Variants in CEP162 observed in about 807,000 individuals in gnomAD.
The protein encoded by CEP162 is centrosomal protein of 162 kDa.
CEP162 carries 141 observed loss-of-function variants against 169.2 expected under a neutral mutation model. The observed-to-expected ratio is 0.83, with a 90% CI of 0.73 to 0.96. CEP162 has a LOEUF of 0.96. Among genes scored for constraint, CEP162 ranks in the 40% least tolerant of loss-of-function variants. The pLI is 0.00. For synonymous variants in CEP162, 540 were observed against 526.4 expected (o/e 1.03, Z -0.35); for missense variants, 1,600 against 1,587.2 (o/e 1.01, Z -0.14).
intron 25 of CEP162, among the ~76,000 whole-genome samples, chr6:84,141,762 G>T (rs1247906831): frequency 6.6e-6 from 1 of 152,118 alleles, no homozygotes; most frequent in Non-Finnish European, 1.5e-5. Context: ...GGCTGGCTTT[G>T]CTGTACCTAC....
intron 18 of CEP162, among the ~76,000 whole-genome samples, chr6:84,167,190 A>G (rs1347719665): frequency 1.3e-5 from 2 of 152,146 alleles, no homozygotes; most frequent in Non-Finnish European, 2.9e-5. Context: ...GGCATCTCAT[A>G]TTTCTTAATA....
intron 11 of CEP162, among the ~76,000 whole-genome samples, chr6:84,190,972 T>C (rs1398954387): frequency 6.6e-6 from 1 of 152,206 alleles, no homozygotes; most frequent in Non-Finnish European, 1.5e-5. Flanking sequence ...TAAGCCACCG[T>C]GCCCAGCCTA....
chr6:84,208,277 G>A (rs1332171357), intron 6 of CEP162, among the ~76,000 whole-genome samples: 3 of 152,002 alleles, frequency 2.0e-5, no homozygotes, highest in Non-Finnish European at 4.4e-5. Context: ...ATTTGGCCAG[G>A]ATCTCTTCCT....
Position 84,208,249 on chromosome 6 carries a change from G to A in CEP162, c.572-4153C>T, listed in dbSNP as rs139866261. ...CTGAGGCATTCAGTCTACTTATGGG[G>A]AAGGTTGGACAGGAATTATTTGGCC... On this transcript the variant is annotated intron_variant, in intron 6 of 26. Coordinates refer to ENST00000403245, the MANE Select transcript of CEP162 (RefSeq NM_014895.4). 3.4e-3 allele frequency among the ~76,000 whole-genome samples: 523 copies of A among 152,274 alleles called. 3 individuals are homozygous for A. Among genetic ancestry groups the A allele is most frequent in the African/African-American group, 0.012 (481 of 41,546 alleles).
intron 11 of CEP162, 27 bp downstream of exon 11, chr6:84,193,582 A>G (rs6936322): frequency 1.4e-6 from 2 of 1,411,940 alleles, no homozygotes; most frequent in Non-Finnish European, 1.9e-6. Context: ...GTTTCCAATG[A>G]CAAAACAATA....
At chr6:84,156,634 A>G (rs984379786) in intron 21 of CEP162, among the ~76,000 whole-genome samples, 7 of 152,114 alleles carry the variant, frequency 4.6e-5, no homozygotes, top group Admixed American at 3.3e-4. Flanking sequence ...ATAAATTAGT[A>G]AAACCATTAT....
intron 21 of CEP162, among the ~76,000 whole-genome samples, chr6:84,158,870 C>T (rs897709329): frequency 6.6e-6 from 1 of 151,166 alleles, no homozygotes; most frequent in Non-Finnish European, 1.5e-5. Flanking sequence ...TTTAATTTTG[C>T]TTTTTAATAT....
intron 22 of CEP162, 85 bp downstream of exon 22, chr6:84,155,213 G>C (rs761185743): frequency 2.0e-6 from 2 of 1,008,278 alleles, no homozygotes; most frequent in Non-Finnish European, 1.5e-6. Context: ...AATGTTTATA[G>C]CTATTTGTTA....
At position 84,215,923 on chromosome 6, in the gene CEP162, C is replaced by A. The variant is rs1226097504; in HGVS notation, c.173-1G>T. 6.4e-7 allele frequency: 1 copy of A among 1,556,068 alleles called. No individual in the cohort carries two copies. On this transcript the variant is annotated splice_acceptor_variant, in intron 3 of 26. Coordinates refer to ENST00000403245, the MANE Select transcript of CEP162 (RefSeq NM_014895.4). LOFTEE classifies it high-confidence loss of function. ...TAGCTCACATTTGTTCCAAGAAGTC[C>A]TAGGTACACAATTTAATACAGATGA... is the stretch of plus-strand genomic sequence containing the variant.
intron 3 of CEP162, chr6:84,219,284 G>GAGGTTTCCCTGCCCA: frequency 1.8e-6 from 1 of 570,104 alleles, no homozygotes; most frequent in Non-Finnish European, 3.0e-6. Context: ...ATTCCCGTGG[G>GAGGTTTCCCTGCCCA]CAGGGAAACC....
rs1397994697 is a variant in CEP162, at chr6:84,124,831, T to C, written c.*239A>G. ...CATACAAGTGAGCCCTTCTCTGCTA[T>C]AAAGGAAACTGTCCATAAATCACTT... is the stretch of plus-strand genomic sequence containing the variant. On this transcript the variant is annotated 3_prime_UTR_variant, in exon 27 of 27. Coordinates refer to ENST00000403245, the MANE Select transcript of CEP162 (RefSeq NM_014895.4). The C allele has an allele frequency of 1.6e-5, 8 of 501,906 alleles. No homozygotes were observed. Among genetic ancestry groups the C allele is most frequent in the Non-Finnish European group, 2.8e-5 (8 of 289,104 alleles). The allele number at this position is 501,906 out of a possible 1,614,324, so 31.1% of individuals were successfully genotyped here.
At chr6:84,211,759 A>G (rs759347629) in intron 6 of CEP162, among the ~76,000 whole-genome samples, 5 of 151,816 alleles carry the variant, frequency 3.3e-5, no homozygotes, top group Non-Finnish European at 5.9e-5. Context: ...CATTATTATT[A>G]ATATTTTAAG....
intron 11 of CEP162, among the ~76,000 whole-genome samples, chr6:84,191,624 G>A (rs887280987): frequency 2.0e-5 from 3 of 152,076 alleles, no homozygotes; most frequent in Non-Finnish European, 4.4e-5. Context: ...GGTACACAAC[G>A]AGAAGCATAC....
chr6:84,156,732 C>T (rs752530191), intron 21 of CEP162, among the ~76,000 whole-genome samples: 2 of 125,552 alleles, frequency 1.6e-5, no homozygotes, highest in African/African-American at 8.5e-5. Flanking sequence ...GAAAATAAAT[C>T]GTATCAAAAA....
At chr6:84,222,653 T>C (rs1430093163) in intron 2 of CEP162, among the ~76,000 whole-genome samples, 1 of 152,224 alleles carries the variant, frequency 6.6e-6, no homozygotes. Context: ...AAGTCACATT[T>C]AAACCCATGT....
chr6:84,212,189 T>G (rs1228683432), intron 6 of CEP162, among the ~76,000 whole-genome samples: 1 of 152,096 alleles, frequency 6.6e-6, no homozygotes, highest in Non-Finnish European at 1.5e-5. Flanking sequence ...CTCTTCGTGG[T>G]GAAGAAAAAT....
At chr6:84,218,008 A>G (rs1029479542) in intron 3 of CEP162, 7 of 152,270 alleles carry the variant, frequency 4.6e-5, no homozygotes, top group African/African-American at 1.7e-4. Flanking sequence ...AACAGTAACC[A>G]TTGGAGGTTA....
chr6:84,217,560 C>CT (rs1379659635), intron 3 of CEP162, among the ~76,000 whole-genome samples: 1 of 152,122 alleles, frequency 6.6e-6, no homozygotes, highest in African/African-American at 2.4e-5. Flanking sequence ...GAAAGGTAGT[C>CT]TAAGTTGGGA....
At chr6:84,165,148 T>G (rs2099527332) in intron 18 of CEP162, among the ~76,000 whole-genome samples, 1 of 151,864 alleles carries the variant, frequency 6.6e-6, no homozygotes, top group Non-Finnish European at 1.5e-5. Context: ...TCTGCTCACA[T>G]GAAGCCCCAG....
Sources: gnomAD v4.1 joint callset for allele counts (sites outside exome capture counted in the v4.1 genomes callset) on GRCh38, gnomAD v4.1.1 for gene constraint, MANE v1.5 for transcripts, NCBI Gene and HGNC (gene_info 2026-07-23, HGNC 2026-07-21) for gene names.